Variants in NRXN3 observed in about 807,000 individuals in gnomAD.
The protein encoded by NRXN3 is neurexin III.
Under a neutral mutation model 137.6 loss-of-function variants are expected in NRXN3, and 32 were observed. The ratio of observed to expected loss-of-function variants is 0.23; its 90% confidence interval spans 0.18 to 0.31. The LOEUF is 0.31. Among genes scored for constraint, NRXN3 ranks in the 10% least tolerant of loss-of-function variants. The pLI is 1.00. For synonymous variants in NRXN3, 798 were observed against 784.5 expected (o/e 1.02, Z -0.29); for missense variants, 1,574 against 2,062.5 (o/e 0.76, Z 4.59).
intron 1 of NRXN3, among the ~76,000 whole-genome samples, chr14:78,188,769 C>T (rs1262943276): frequency 6.6e-6 from 1 of 152,158 alleles, no homozygotes; most frequent in Non-Finnish European, 1.5e-5. Context: ...TCAGATTTGT[C>T]ATTTACAAAA....
At chr14:78,517,947 G>A (rs1308938657) in intron 4 of NRXN3, among the ~76,000 whole-genome samples, 1 of 152,150 alleles carries the variant, frequency 6.6e-6, no homozygotes, top group Non-Finnish European at 1.5e-5. Flanking sequence ...CCAACTTCCT[G>A]TGCCTAAACT....
chr14:78,881,098 A>G (rs1309907308), intron 10 of NRXN3, among the ~76,000 whole-genome samples: 3 of 151,388 alleles, frequency 2.0e-5, no homozygotes, highest in Non-Finnish European at 4.4e-5. Context: ...GTGAAGAAGG[A>G]TGTGTTTGCT....
chr14:79,489,315 A>G (rs1290903836), intron 16 of NRXN3, among the ~76,000 whole-genome samples: 1 of 152,064 alleles, frequency 6.6e-6, no homozygotes, highest in Non-Finnish European at 1.5e-5. Flanking sequence ...ACCTGCTCAT[A>G]TGATGAACCA....
intron 15 of NRXN3, chr14:79,247,033 A>G (rs552067138): frequency 6.6e-6 from 1 of 152,384 alleles, no homozygotes; most frequent in East Asian, 1.9e-4. Context: ...GAGCACCAGA[A>G]TTTGTAAACC....
intron 4 of NRXN3, among the ~76,000 whole-genome samples, chr14:78,338,985 T>C (rs1031970894): frequency 1.3e-5 from 2 of 152,170 alleles, no homozygotes; most frequent in African/African-American, 4.8e-5. Flanking sequence ...GCTTTTTGTA[T>C]TGGACCAAAC....
At chr14:78,687,128 G>T (rs546091471) in intron 6 of NRXN3, among the ~76,000 whole-genome samples, 2 of 152,296 alleles carry the variant, frequency 1.3e-5, no homozygotes, top group South Asian at 4.1e-4. Flanking sequence ...AGATTCAGGT[G>T]CTTGTTGAAT....
chr14:78,658,715 A>T (rs1208134309), intron 6 of NRXN3, among the ~76,000 whole-genome samples: 1 of 152,214 alleles, frequency 6.6e-6, no homozygotes, highest in Non-Finnish European at 1.5e-5. Flanking sequence ...GTAGCATAGA[A>T]CACACATTAT....
At chr14:79,380,175 A>ATT (rs1555410493) in intron 15 of NRXN3, among the ~76,000 whole-genome samples, 12 of 127,790 alleles carry the variant, frequency 9.4e-5, no homozygotes, top group Non-Finnish European at 1.5e-4. Context: ...TTTGGTAGAT[A>ATT]TATTTATTTA....
chr14:79,148,763 C>A (rs2059534729), intron 15 of NRXN3, among the ~76,000 whole-genome samples: 1 of 152,136 alleles, frequency 6.6e-6, no homozygotes, highest in Admixed American at 6.6e-5. Context: ...AATAAACATT[C>A]TCTGGCCCCT....
intron 15 of NRXN3, among the ~76,000 whole-genome samples, chr14:79,126,113 A>G (rs2056380252): frequency 6.6e-6 from 1 of 152,138 alleles, no homozygotes; most frequent in African/African-American, 2.4e-5. Flanking sequence ...TTTTTAAGTC[A>G]GTCTAATTTT....
At chr14:79,819,592 C>G (rs1188476709) in intron 20 of NRXN3, among the ~76,000 whole-genome samples, 1 of 142,656 alleles carries the variant, frequency 7.0e-6, no homozygotes, top group Non-Finnish European at 1.5e-5. Context: ...TCAGGCAATT[C>G]TCCTGCCTCA....
In NRXN3 at chr14:79,866,671, G is replaced by A. The variant is rs183276938; in HGVS notation, c.*4707G>A. 2 of 152,280 alleles carry A rather than the reference G, an allele frequency of 1.3e-5. No individual in the cohort carries two copies. The highest frequency in any genetic ancestry group is 1.9e-4 in the East Asian group (1 of 5,188). 9.4% of individuals were successfully genotyped at this position (152,280 alleles called of 1,614,324 possible). A position where few individuals can be genotyped will look rare whatever the true frequency, so the allele number is the denominator to read the frequency against. On this transcript the variant is annotated 3_prime_UTR_variant, in exon 21 of 21. Coordinates refer to ENST00000335750, the MANE Select transcript of NRXN3 (RefSeq NM_001330195.2). ...GTTCAAGGTCAAGGGCTGCTTTGTC[G>A]AGTACAAAGGACTCGAGCATATTTG...
intron 4 of NRXN3, among the ~76,000 whole-genome samples, chr14:78,464,494 T>A (rs867330341): frequency 6.6e-6 from 1 of 152,308 alleles, no homozygotes. Flanking sequence ...TGTATACCCA[T>A]TGAAGGGATT....
intron 8 of NRXN3, among the ~76,000 whole-genome samples, chr14:78,737,409 C>T (rs542383661): frequency 1.3e-5 from 2 of 152,244 alleles, no homozygotes; most frequent in South Asian, 4.1e-4. Context: ...AAGATGAACA[C>T]TAAAAATCTG....
intron 15 of NRXN3, among the ~76,000 whole-genome samples, chr14:79,093,503 G>A (rs139176191): frequency 2.6e-5 from 4 of 152,292 alleles, no homozygotes; most frequent in East Asian, 3.9e-4. Context: ...ATGCTGCTGC[G>A]GATGCTGGGG....
At chr14:79,641,741 T>A (rs905526757) in intron 16 of NRXN3, among the ~76,000 whole-genome samples, 4 of 135,774 alleles carry the variant, frequency 2.9e-5, no homozygotes, top group African/African-American at 9.8e-5. Context: ...CAGCAATTCC[T>A]TCCTCAGCGG....
At chr14:79,246,374 T>C (rs2075184706) in intron 15 of NRXN3, among the ~76,000 whole-genome samples, 1 of 152,210 alleles carries the variant, frequency 6.6e-6, no homozygotes, top group Admixed American at 6.6e-5. Flanking sequence ...TGGAGTTAAA[T>C]ACAATACCCT....
intron 16 of NRXN3, among the ~76,000 whole-genome samples, chr14:79,525,299 C>T (rs2097108445): frequency 6.6e-6 from 1 of 152,102 alleles, no homozygotes; most frequent in Admixed American, 6.5e-5. Context: ...AACAAATGTT[C>T]CTTTTATTTA....
chr14:78,310,062 T>G (rs1882813), intron 4 of NRXN3, among the ~76,000 whole-genome samples: 47,536 of 151,856 alleles, frequency 0.31, 7,630 homozygotes, highest in Middle Eastern at 0.35. Context: ...TAAACAGATA[T>G]CCATATAGTG....
Sources: allele counts gnomAD v4.1 joint callset (sites outside exome capture counted in the v4.1 genomes callset), GRCh38; gene constraint gnomAD v4.1.1; transcripts MANE v1.5; gene names NCBI Gene and HGNC (gene_info 2026-07-23, HGNC 2026-07-21).